ZNF536: variants seen among roughly 807,000 people sequenced by gnomAD.
The protein encoded by ZNF536 is zinc finger protein 536.
ZNF536 carries 13 observed loss-of-function variants against 84.5 expected under a neutral mutation model. The ratio of observed to expected loss-of-function variants is 0.15; its 90% CI spans 0.10 to 0.24. ZNF536 has a LOEUF of 0.24. ZNF536 is among the 10% of genes least tolerant of loss of function. The probability of loss-of-function intolerance (pLI) is 1.00; values close to 1 mark genes in which losing one functional copy is unlikely to be tolerated. For missense variants in ZNF536, 1,536 were observed against 1,747.5 expected (o/e 0.88, Z 2.16); for synonymous variants, 811 against 742.5 (o/e 1.09, Z -1.50).
At chr19:30,498,240 A>G (rs1052215051) in intron 2 of ZNF536, among the ~76,000 whole-genome samples, 4 of 152,354 alleles carry the variant, frequency 2.6e-5, no homozygotes, top group Middle Eastern at 3.4e-3. Context: ...CATATACAGC[A>G]TGGAATACTA....
Position 30,411,519 on chromosome 19 carries a change from A to G in ZNF536, c.-2-32042A>G, listed in dbSNP as rs76355451. ...AGTTTTAAAACTTTTTGTGTGAAGT[A>G]ATGTTGTGTAATGTATTTTTTAAAT... On this transcript the variant is annotated intron_variant, in intron 1 of 4. Transcript: ENST00000355537. Among the ~76,000 whole-genome samples, 334 of 152,242 alleles carry G rather than the reference A, an allele frequency of 2.2e-3. 2 individuals carry two copies. Among genetic ancestry groups the G allele is most frequent in the African/African-American group, 7.6e-3 (316 of 41,570 alleles).
chr19:30,445,012 G>T lies in ZNF536; in HGVS notation c.1450G>T (p.Asp484Tyr), dbSNP rs779736621. The T allele has an allele frequency of 3.7e-6, 6 of 1,611,932 alleles. No homozygotes were observed. The highest frequency in any genetic ancestry group is 3.4e-6 in the Non-Finnish European group (4 of 1,178,980). ...CATGGCCCACGGCGTCCCGGAGGGG[G>T]ACAAGCACTCCCTCCTGGGATGCCT... ...SSMAHGVPEG[D>Y]KHSLLGCLNL... The change falls in exon 2 of 5, where the codon GAC (aspartate) becomes TAC (tyrosine). Residue 484 changes from aspartate to tyrosine, a missense_variant. Around this residue, in one of 8 missense-constraint regions of ZNF536, gnomAD observed 366 missense variants for 364.4 expected, o/e 1.00. Transcript: ENST00000355537. This position sits in a 1 kb window ranked among gnomAD's most constrained non-coding sequence, Gnocchi z 4.5.
At chr19:30,332,676 G>T (rs969283066) in intron 2 of ZNF536, among the ~76,000 whole-genome samples, 1 of 152,080 alleles carries the variant, frequency 6.6e-6, no homozygotes, top group Admixed American at 6.5e-5. Context: ...ACTACTTCTT[G>T]TCTTTCCCTT....
chr19:30,478,154 T>TG (rs2053925401), intron 2 of ZNF536, among the ~76,000 whole-genome samples: 2 of 126,598 alleles, frequency 1.6e-5, no homozygotes, highest in South Asian at 2.6e-4. Context: ...TAATCCTTGG[T>TG]GTTTTTTTTT....
At chr19:30,430,553 G>A (rs1406055520) in intron 1 of ZNF536, among the ~76,000 whole-genome samples, 2 of 152,184 alleles carry the variant, frequency 1.3e-5, no homozygotes, top group Non-Finnish European at 2.9e-5. Flanking sequence ...TATCAGGGAG[G>A]GCTTCCTGGA....
intron 2 of ZNF536, among the ~76,000 whole-genome samples, chr19:30,466,641 T>G (rs202135263): frequency 1.4e-5 from 2 of 139,898 alleles, no homozygotes; most frequent in Admixed American, 7.1e-5. Context: ...GTTTTTTTTT[T>G]GTTTTTTGTT....
chr19:30,566,223 C>T (rs11673048), intron 1 of ZNF536, among the ~76,000 whole-genome samples: 2,974 of 152,204 alleles, frequency 0.02, 36 homozygotes, highest in Middle Eastern at 0.031. Flanking sequence ...ACCACCGGGA[C>T]GTTTTGTTCC....
intron 1 of ZNF536, among the ~76,000 whole-genome samples, chr19:30,647,454 A>G (rs1400287188): frequency 6.6e-6 from 1 of 152,170 alleles, no homozygotes; most frequent in African/African-American, 2.4e-5. Flanking sequence ...TCCCGGAGTT[A>G]TCAGTCCTTA....
At chr19:30,240,094 C>A (rs2023828718) in intron 1 of ZNF536, among the ~76,000 whole-genome samples, 1 of 152,286 alleles carries the variant, frequency 6.6e-6, no homozygotes, top group East Asian at 1.9e-4. Flanking sequence ...AGGGGCCGGG[C>A]ATGGTGGCTC....
intron 2 of ZNF536, among the ~76,000 whole-genome samples, chr19:30,524,549 C>G (rs528295435): frequency 6.6e-6 from 1 of 152,312 alleles, no homozygotes; most frequent in South Asian, 2.1e-4. Flanking sequence ...CAAATCATCC[C>G]TTCTCCTTTC....
chr19:30,396,722 A>G (rs997238841), intron 1 of ZNF536, among the ~76,000 whole-genome samples: 24 of 150,998 alleles, frequency 1.6e-4, no homozygotes, highest in African/African-American at 5.6e-4. Flanking sequence ...CTCCTGCCTC[A>G]GTCTCCCGAG....
At position 30,430,673 on chromosome 19, in the gene ZNF536, C is replaced by T. The variant is rs2051416678; in HGVS notation, c.-2-12888C>T. Reference sequence around the variant, plus strand: ...ATATGCATAAAAGGATACCAAGTTGCCCCTCTCTGCTCCCTGAGAAAAGGG... The same window carrying T: ...ATATGCATAAAAGGATACCAAGTTGTCCCTCTCTGCTCCCTGAGAAAAGGG... On this transcript the variant is annotated intron_variant, in intron 1 of 4. Transcript: ENST00000355537. Among the ~76,000 whole-genome samples the T allele has an allele frequency of 3.3e-5, 5 of 152,162 alleles. No individual in the cohort carries two copies. The South Asian group carries it at 8.3e-4, about 25-fold the overall frequency.
chr19:30,520,284 A>G (rs1002234745), intron 2 of ZNF536, among the ~76,000 whole-genome samples: 5 of 152,170 alleles, frequency 3.3e-5, no homozygotes, highest in Admixed American at 1.3e-4. Flanking sequence ...TTCTCGGGGT[A>G]GGGGATGAGC....
At chr19:30,405,868 C>T (rs1288533932) in intron 1 of ZNF536, among the ~76,000 whole-genome samples, 1 of 152,072 alleles carries the variant, frequency 6.6e-6, no homozygotes, top group African/African-American at 2.4e-5. Flanking sequence ...ACCTCCACCT[C>T]CTGGGTTCAA....
intron 2 of ZNF536, among the ~76,000 whole-genome samples, chr19:30,520,219 T>C (rs921048746): frequency 2.0e-5 from 3 of 152,170 alleles, no homozygotes; most frequent in Non-Finnish European, 4.4e-5. Context: ...TTAGATCTCA[T>C]TGCAGTCCCA....
chr19:30,595,576 C>T (rs964452333), intron 1 of ZNF536, among the ~76,000 whole-genome samples: 1 of 152,192 alleles, frequency 6.6e-6, no homozygotes, highest in Non-Finnish European at 1.5e-5. Flanking sequence ...TGGTGAGCCA[C>T]CATGCCTGGC....
intron 2 of ZNF536, among the ~76,000 whole-genome samples, chr19:30,523,284 G>A (rs773433626): frequency 2.6e-5 from 4 of 152,176 alleles, no homozygotes; most frequent in Non-Finnish European, 5.9e-5. Context: ...CATGTTGAAA[G>A]CCACTATTAA....
intron 3 of ZNF536, among the ~76,000 whole-genome samples, chr19:30,361,742 C>T (rs542527165): frequency 2.3e-5 from 3 of 129,184 alleles, no homozygotes; most frequent in South Asian, 2.5e-4. Context: ...TGAGCCTGGA[C>T]GTAAATTTCT....
intron 1 of ZNF536, among the ~76,000 whole-genome samples, chr19:30,621,470 C>A (rs2048479982): frequency 6.6e-6 from 1 of 152,128 alleles, no homozygotes; most frequent in African/African-American, 2.4e-5. Flanking sequence ...AATCAAGCAT[C>A]CTTTTTTTCT....
Sources: gnomAD v4.1 joint callset for allele counts (sites outside exome capture counted in the v4.1 genomes callset) on GRCh38, gnomAD v4.1.1 for gene constraint, gnomAD v4.1.1 regional missense constraint, Gnocchi (gnomAD v3.1) non-coding constraint, MANE v1.5 for transcripts, NCBI Gene and HGNC (gene_info 2026-07-23, HGNC 2026-07-21) for gene names.